PCCA: variants seen among roughly 807,000 people sequenced by gnomAD.
PCCA encodes the protein propionyl-CoA carboxylase subunit alpha.
Under a neutral mutation model 101.3 loss-of-function variants are expected in PCCA, and 74 were observed. The observed-to-expected ratio is 0.73, with a 90% confidence interval of 0.61 to 0.89. PCCA has a LOEUF of 0.89. Ranked by LOEUF, PCCA falls within the 40% of genes least tolerant of loss-of-function variation. The pLI, the probability that PCCA is intolerant of heterozygous loss-of-function variation, is 0.00. For missense variants in PCCA, 891 were observed against 907.0 expected, an observed-to-expected ratio of 0.98 and a Z score of 0.23; for synonymous variants, 294 against 313.6, an observed-to-expected ratio of 0.94 and a Z score of 0.66.
chr13:100,168,649 C>T (rs957404738), intron 6 of PCCA, among the ~76,000 whole-genome samples: 1 of 152,138 alleles, frequency 6.6e-6, no homozygotes, highest in African/African-American at 2.4e-5. Context: ...AATGTGACAA[C>T]GTAGCAGATG....
In PCCA at chr13:100,289,366, C is replaced by T. The variant is rs75408198; in HGVS notation, c.1066-12094C>T. Among the ~76,000 whole-genome samples the T allele has an allele frequency of 4.5e-3, 680 of 152,176 alleles. 3 individuals carry two copies. Among genetic ancestry groups the T allele is most frequent in the African/African-American group, 0.015 (637 of 41,536 alleles). ...GTCTCAACATATTGCCCAGGCTTGT[C>T]TAGAACTCTTGGGCTCAAGGGATCC... On this transcript the variant is annotated intron_variant, in intron 12 of 23. Coordinates refer to ENST00000376285, the MANE Select transcript of PCCA (RefSeq NM_000282.4).
intron 4 of PCCA, among the ~76,000 whole-genome samples, chr13:100,153,538 C>G (rs1566591141): frequency 6.6e-6 from 1 of 151,972 alleles, no homozygotes; most frequent in Non-Finnish European, 1.5e-5. Context: ...TTCTTTCTTA[C>G]AGAAGAAAAC....
At chr13:100,514,123 T>G (rs1428708714) in intron 21 of PCCA, among the ~76,000 whole-genome samples, 1 of 152,220 alleles carries the variant, frequency 6.6e-6, no homozygotes, top group Non-Finnish European at 1.5e-5. Context: ...AGCTTTTATT[T>G]GCACTGTAAT....
intron 21 of PCCA, among the ~76,000 whole-genome samples, chr13:100,489,767 A>C (rs1467266351): frequency 7.6e-6 from 1 of 131,070 alleles, no homozygotes; most frequent in Non-Finnish European, 1.6e-5. Flanking sequence ...GAAATGTCTC[A>C]GAGAGAGGAA....
intron 21 of PCCA, among the ~76,000 whole-genome samples, chr13:100,453,800 A>G (rs1294806370): frequency 1.3e-5 from 2 of 150,634 alleles, no homozygotes. Flanking sequence ...ACACACCCCT[A>G]CTTAAATGGA....
chr13:100,289,233 A>G (rs994897713), intron 12 of PCCA, among the ~76,000 whole-genome samples: 3 of 152,148 alleles, frequency 2.0e-5, no homozygotes, highest in Non-Finnish European at 4.4e-5. Flanking sequence ...GTCATACTGT[A>G]TCTCCTCCTG....
rs572247394 is a variant in PCCA at position 100,444,139 on chromosome 13, C to T, written c.1846-5113C>T. ...GCTGAACTGCTTAACATTCCCTAAACTTGCCATGCCATCGTGCCATCCCTT... is the reference window on the plus strand; with the variant it reads ...GCTGAACTGCTTAACATTCCCTAAATTTGCCATGCCATCGTGCCATCCCTT... On this transcript the variant is annotated intron_variant, in intron 20 of 23. Transcript: ENST00000376285. Among the ~76,000 whole-genome samples, 47 of 152,192 alleles carry T rather than the reference C, an allele frequency of 3.1e-4. No homozygotes were observed. The South Asian group carries it at 9.5e-3, about 31-fold the overall frequency.
rs553004648 is a variant in PCCA at position 100,200,448 on chromosome 13, T to C, written c.469-8884T>C. Among the ~76,000 whole-genome samples the C allele has an allele frequency of 2.6e-5, 4 of 152,294 alleles. No homozygotes were observed. The South Asian group carries it at 8.3e-4, about 32-fold the overall frequency. On this transcript the variant is annotated intron_variant, in intron 6 of 23. Transcript: ENST00000376285. ...GCCATCTTTTCAAAATGCCTTGGCT[T>C]CTTCTAATGGTATTTGGAGATCACA...
intron 18 of PCCA, among the ~76,000 whole-genome samples, chr13:100,355,261 A>G (rs981654597): frequency 6.6e-6 from 1 of 152,176 alleles, no homozygotes; most frequent in African/African-American, 2.4e-5. Flanking sequence ...ACAGCTTTTC[A>G]TTATGAAAAA....
chr13:100,300,382 A>AT (rs1266313217), intron 12 of PCCA, among the ~76,000 whole-genome samples: 1 of 152,140 alleles, frequency 6.6e-6, no homozygotes. Flanking sequence ...TCTGCTTATG[A>AT]TAAGCTTCAA....
intron 21 of PCCA, among the ~76,000 whole-genome samples, chr13:100,465,427 A>G (rs2082440477): frequency 6.6e-6 from 1 of 152,210 alleles, no homozygotes; most frequent in Admixed American, 6.5e-5. Context: ...TTTTAAAATC[A>G]GGGAGTGACA....
At chr13:100,162,846 T>C (rs1057296424) in intron 6 of PCCA, among the ~76,000 whole-genome samples, 2 of 152,184 alleles carry the variant, frequency 1.3e-5, no homozygotes, top group African/African-American at 4.8e-5. Context: ...CCTTTTTCCT[T>C]TTCATAATAA....
At chr13:100,452,773 G>C (rs2081426107) in intron 21 of PCCA, among the ~76,000 whole-genome samples, 1 of 152,194 alleles carries the variant, frequency 6.6e-6, no homozygotes, top group African/African-American at 2.4e-5. Context: ...TGATTTGTCT[G>C]TTCTGCTCAG....
At chr13:100,524,374 C>CGTGTGT (rs1210676697) in intron 22 of PCCA, among the ~76,000 whole-genome samples, 10,912 of 139,000 alleles carry the variant, frequency 0.079, 530 homozygotes, top group African/African-American at 0.11. Context: ...CAATTAAGCT[C>CGTGTGT]GTGTGTGTGT....
chr13:100,481,675 C>T (rs771142852), intron 21 of PCCA, among the ~76,000 whole-genome samples: 4 of 152,016 alleles, frequency 2.6e-5, no homozygotes, highest in Non-Finnish European at 2.9e-5. Flanking sequence ...TGCTGGACCC[C>T]GAGAGAGAGG....
intron 9 of PCCA, among the ~76,000 whole-genome samples, chr13:100,261,191 C>T (rs577116839): frequency 3.9e-5 from 6 of 151,964 alleles, no homozygotes; most frequent in East Asian, 3.9e-4. Context: ...CTTAAAGGAT[C>T]GGAAGAATTG....
At chr13:100,284,104 TC>T (rs1322375377) in intron 12 of PCCA, among the ~76,000 whole-genome samples, 1 of 152,206 alleles carries the variant, frequency 6.6e-6, no homozygotes, top group Non-Finnish European at 1.5e-5. Context: ...AGTGTTAATC[TC>T]CTGTCCTGGA....
At position 100,460,843 on chromosome 13, in the gene PCCA, C is replaced by CT. The variant is rs567019247; in HGVS notation, c.1899+11540dup. The stretch of plus-strand genomic sequence containing the variant: ...CATCAGTTTAACTCAGGAGGGTAAA[C>CT]TTAATATGATAATTCATCTAGTTGA... On this transcript the variant is annotated intron_variant, in intron 21 of 23. Coordinates refer to ENST00000376285, the MANE Select transcript of PCCA (RefSeq NM_000282.4). Among the ~76,000 whole-genome samples, 249 of 152,216 alleles carry CT rather than the reference C, an allele frequency of 1.6e-3. 1 individual carries two copies. Among genetic ancestry groups the CT allele is most frequent in the African/African-American group, 5.7e-3 (237 of 41,546 alleles).
At chr13:100,350,267 T>C (rs2073103442) in intron 18 of PCCA, among the ~76,000 whole-genome samples, 2 of 152,134 alleles carry the variant, frequency 1.3e-5, no homozygotes, top group African/African-American at 2.4e-5. Flanking sequence ...AAACAACTTA[T>C]CATAACTCGT....
Sources: gnomAD v4.1 joint callset for allele counts (sites outside exome capture counted in the v4.1 genomes callset) on GRCh38, gnomAD v4.1.1 for gene constraint, MANE v1.5 for transcripts, NCBI Gene and HGNC (gene_info 2026-07-23, HGNC 2026-07-21) for gene names.